Variants in PCSK2 observed in about 807,000 individuals in gnomAD.
PCSK2 encodes proprotein convertase subtilisin/kexin type 2.
PCSK2 carries 14 observed loss-of-function variants against 69.7 expected under a neutral mutation model. That is an observed-to-expected ratio of 0.20 (90% CI 0.13 to 0.31). PCSK2 has a LOEUF of 0.31. Among genes scored for constraint, PCSK2 ranks in the 10% least tolerant of loss-of-function variants. PCSK2 has a pLI of 1.00. For synonymous variants in PCSK2, 307 were observed against 320.7 expected, an observed-to-expected ratio of 0.96 and a Z score of 0.46; for missense variants, 544 against 842.5, an observed-to-expected ratio of 0.65 and a Z score of 4.39.
intron 2 of PCSK2, among the ~76,000 whole-genome samples, chr20:17,343,235 T>C (rs1429124806): frequency 6.6e-6 from 1 of 152,200 alleles, no homozygotes; most frequent in African/African-American, 2.4e-5. Context: ...GACAGATTCA[T>C]TTATTTACAA....
rs761953366 is a variant in PCSK2, at chr20:17,290,764, G to C, written c.282+30420G>C. ...AAGACTATGTAATAAAGAAAACAAA[G>C]AAAAGAAGTTTATTTGGCCTACAGC... On this transcript the variant is annotated intron_variant, in intron 2 of 11. Coordinates refer to ENST00000262545, the MANE Select transcript of PCSK2 (RefSeq NM_002594.5). Among the ~76,000 whole-genome samples the C allele has an allele frequency of 3.9e-4, 60 of 152,246 alleles. No individual in the cohort carries two copies. The Middle Eastern group carries it at 0.01, about 26-fold the overall frequency.
chr20:17,453,798 T>C lies in PCSK2; in HGVS notation c.942T>C (p.Tyr314=), dbSNP rs1030211232. 18 of 1,614,162 alleles carry C rather than the reference T, an allele frequency of 1.1e-5. No homozygotes were observed. Among genetic ancestry groups the C allele is most frequent in the Non-Finnish European group, 1.4e-5 (17 of 1,180,014 alleles). ...GGGCCTCCGGGGACGGCGGCAGCTA[T>C]GACGACTGCAACTGCGACGGCTACG... is the stretch of plus-strand genomic sequence containing the variant. The part of the protein sequence containing the change: ...YVWASGDGGS[Y]DDCNCDGYAS... The change falls in exon 9 of 12, where the codon TAT becomes TAC. Residue 314 remains tyrosine, a synonymous_variant. Coordinates refer to ENST00000262545, the MANE Select transcript of PCSK2 (RefSeq NM_002594.5). This position sits in a 1 kb window ranked among gnomAD's most constrained non-coding sequence, Gnocchi z 4.0.
chr20:17,327,173 T>A (rs896400958), intron 2 of PCSK2, among the ~76,000 whole-genome samples: 1 of 152,238 alleles, frequency 6.6e-6, no homozygotes, highest in Non-Finnish European at 1.5e-5. Context: ...TCACAGCTCC[T>A]TTCAAAGAAA....
chr20:17,393,826 G>A (rs1479884432), intron 5 of PCSK2, among the ~76,000 whole-genome samples: 3 of 151,816 alleles, frequency 2.0e-5, no homozygotes, highest in African/African-American at 7.3e-5. Context: ...AGCTAAGTGT[G>A]GTATAAATAA....
chr20:17,261,992 G>C (rs941473956), intron 2 of PCSK2, among the ~76,000 whole-genome samples: 4 of 152,222 alleles, frequency 2.6e-5, no homozygotes, highest in African/African-American at 9.7e-5. Context: ...CTGAGGCACA[G>C]TAGAACTCAA....
chr20:17,378,872 C>T (rs1219586713), intron 5 of PCSK2, among the ~76,000 whole-genome samples: 1 of 152,186 alleles, frequency 6.6e-6, no homozygotes, highest in Non-Finnish European at 1.5e-5. Context: ...GATTACTATT[C>T]TCAACTGCCT....
At chr20:17,435,451 G>A (rs1280395097) in intron 7 of PCSK2, among the ~76,000 whole-genome samples, 3 of 152,198 alleles carry the variant, frequency 2.0e-5, no homozygotes, top group African/African-American at 7.2e-5. Flanking sequence ...CGAGTCTCCT[G>A]AGGACTGAAA....
At chr20:17,311,122 A>G (rs1989497394) in intron 2 of PCSK2, among the ~76,000 whole-genome samples, 1 of 152,190 alleles carries the variant, frequency 6.6e-6, no homozygotes, top group South Asian at 2.1e-4. Context: ...CCCATTAAAC[A>G]TAGAGCAAAC....
chr20:17,276,691 C>T (rs982937094), intron 2 of PCSK2, among the ~76,000 whole-genome samples: 10 of 152,052 alleles, frequency 6.6e-5, no homozygotes, highest in Admixed American at 2.0e-4. Context: ...CACTCCTATT[C>T]AACATAGTGT....
chr20:17,263,413 T>C (rs1012722475), intron 2 of PCSK2, among the ~76,000 whole-genome samples: 2 of 152,244 alleles, frequency 1.3e-5, no homozygotes, highest in African/African-American at 4.8e-5. Context: ...GACTGCCAAG[T>C]ATCATCATTT....
chr20:17,448,911 T>C (rs1055598349), intron 8 of PCSK2, among the ~76,000 whole-genome samples: 2 of 141,548 alleles, frequency 1.4e-5, no homozygotes, highest in Non-Finnish European at 3.1e-5. Flanking sequence ...TTTTTTTTTT[T>C]TCCTTTCACC....
At chr20:17,346,629 A>T (rs1990660440) in intron 2 of PCSK2, among the ~76,000 whole-genome samples, 1 of 152,200 alleles carries the variant, frequency 6.6e-6, no homozygotes, top group East Asian at 1.9e-4. Context: ...CATTGAGAGG[A>T]ACATGTCATT....
intron 2 of PCSK2, among the ~76,000 whole-genome samples, chr20:17,315,417 C>A (rs902854348): frequency 6.6e-6 from 1 of 152,318 alleles, no homozygotes; most frequent in Middle Eastern, 3.4e-3. Context: ...TGCTTTTCTG[C>A]GCTATAAGGG....
intron 11 of PCSK2, 107 bp from the exon 12 acceptor site, chr20:17,481,477 T>C: frequency 2.3e-6 from 2 of 886,024 alleles, no homozygotes; most frequent in Non-Finnish European, 1.7e-6. Flanking sequence ...GTCTGATTGA[T>C]CAACCCCAAA....
intron 2 of PCSK2, among the ~76,000 whole-genome samples, chr20:17,289,150 A>G (rs1283046118): frequency 6.6e-6 from 1 of 152,234 alleles, no homozygotes; most frequent in East Asian, 1.9e-4. Context: ...ATATAAATCA[A>G]TGCAGTGATA....
In PCSK2 at chr20:17,482,003, A is replaced by T; in HGVS notation, c.1850A>T (p.Glu617Val). ...TCCAAGTTGGCCATGTCCAAGAAAG[A>T]GGAGCTGGAGGAAGAGCTGGACGAA... ...YQSKLAMSKK[E>V]ELEEELDEAV... Residue 617 changes from glutamate (E) to valine (V), a missense_variant, in exon 12 of 12, where the codon GAG (glutamate) becomes GTG (valine). Physicochemically the swap from Glu to Val is moderately radical, Grantham distance 121. Around this residue, in one of 3 missense-constraint regions of PCSK2, gnomAD observed 200 missense variants for 287.8 expected, o/e 0.69. Coordinates refer to ENST00000262545, the MANE Select transcript of PCSK2 (RefSeq NM_002594.5). The T allele has an allele frequency of 1.2e-6, 2 of 1,612,168 alleles. No individual in the cohort carries two copies. Among genetic ancestry groups the T allele is most frequent in the Non-Finnish European group, 1.7e-6 (2 of 1,179,656 alleles).
At chr20:17,433,367 C>A (rs967527512) in intron 7 of PCSK2, among the ~76,000 whole-genome samples, 1 of 152,150 alleles carries the variant, frequency 6.6e-6, no homozygotes, top group Non-Finnish European at 1.5e-5. Context: ...TTTTCAGAAC[C>A]TAAAACCTGG....
chr20:17,321,749 C>A (rs1465296374), intron 2 of PCSK2, among the ~76,000 whole-genome samples: 1 of 152,124 alleles, frequency 6.6e-6, no homozygotes, highest in Non-Finnish European at 1.5e-5. Flanking sequence ...CATGAAAAAA[C>A]CTTTGACTAA....
intron 5 of PCSK2, among the ~76,000 whole-genome samples, chr20:17,405,167 A>C (rs550638191): frequency 3.9e-5 from 6 of 152,346 alleles, no homozygotes; most frequent in Non-Finnish European, 8.8e-5. Flanking sequence ...TTTGAAGATG[A>C]GGAAACTACA....
Sources: allele counts gnomAD v4.1 joint callset (sites outside exome capture counted in the v4.1 genomes callset), GRCh38; gene constraint gnomAD v4.1.1; regional missense constraint gnomAD v4.1.1; non-coding constraint Gnocchi (gnomAD v3.1); transcripts MANE v1.5; gene names NCBI Gene and HGNC (gene_info 2026-07-23, HGNC 2026-07-21).